The following SIK2 variants were observed in gnomAD, a reference collection of about 807,000 sequenced individuals.
The protein encoded by SIK2 is salt inducible kinase 2.
Under a neutral mutation model 103.2 loss-of-function variants are expected in SIK2, and 29 were observed. That is an observed-to-expected ratio of 0.28 (90% CI 0.21 to 0.38). The LOEUF is 0.38. Ranked by LOEUF, SIK2 falls within the 10% of genes least tolerant of loss-of-function variation. The probability of loss-of-function intolerance (pLI) is 1.00; values close to 1 mark genes in which losing one functional copy is unlikely to be tolerated. For synonymous variants in SIK2, 412 were observed against 446.1 expected (o/e 0.92, Z 0.96); for missense variants, 879 against 1,171.0 (o/e 0.75, Z 3.64).
intron 3 of SIK2, among the ~76,000 whole-genome samples, chr11:111,656,435 G>C (rs1453810815): frequency 6.6e-6 from 1 of 152,110 alleles, no homozygotes; most frequent in East Asian, 1.9e-4. Context: ...GAATATTTAT[G>C]TTTTGGTTAT....
chr11:111,721,365 C>CCA (rs139534824), intron 12 of SIK2, among the ~76,000 whole-genome samples: 2 of 152,076 alleles, frequency 1.3e-5, no homozygotes, highest in Non-Finnish European at 2.9e-5. Context: ...CCTTCTCCTG[C>CCA]CACACACACA....
intron 3 of SIK2, chr11:111,683,393 T>A (rs1389028995): frequency 6.6e-6 from 1 of 152,208 alleles, no homozygotes; most frequent in Non-Finnish European, 1.5e-5. Context: ...GCTATTACAT[T>A]CATAAGTTTG....
chr11:111,619,571 C>G (rs990732351), intron 2 of SIK2, among the ~76,000 whole-genome samples: 4 of 152,096 alleles, frequency 2.6e-5, no homozygotes, highest in African/African-American at 9.7e-5. Flanking sequence ...TGTCGAACTC[C>G]TGACCTCAAG....
At position 111,602,474 on chromosome 11, in the gene SIK2, G is replaced by C; in HGVS notation, c.-90G>C. The C allele has an allele frequency of 7.5e-7, 1 of 1,327,222 alleles. No individual in the cohort carries two copies. The highest frequency in any genetic ancestry group is 9.7e-7 in the Non-Finnish European group (1 of 1,025,792). The allele number at this position is 1,327,222 out of a possible 1,614,324, so 82.2% of individuals were successfully genotyped here. A position where few individuals can be genotyped will look rare whatever the true frequency, so the allele number is the denominator to read the frequency against. ...AAGGAGCGAAGGAGCGAAGGAGCAA[G>C]CGGAGCGGCCGTCGCCCAAGCCAAG... is the stretch of plus-strand genomic sequence containing the variant. On this transcript the variant is annotated 5_prime_UTR_variant, in exon 1 of 15. Transcript: ENST00000304987. The surrounding 1 kb of genome is among the most constrained non-coding windows in gnomAD (Gnocchi z 4.5).
chr11:111,604,017 C>T (rs541380989), intron 1 of SIK2, among the ~76,000 whole-genome samples: 29 of 152,340 alleles, frequency 1.9e-4, no homozygotes, highest in Middle Eastern at 3.4e-3. Flanking sequence ...TTTTGCCTTC[C>T]CCTGCTGGTC....
Position 111,729,025 on chromosome 11 carries a change from T to C in SIK2, c.*4896T>C, listed in dbSNP as rs1944089074. ...CTATCATCTCCCTTCTGACAGGTTC[T>C]ACAGTGTGGTCTGAAGCACCTGTAA... On this transcript the variant is annotated 3_prime_UTR_variant, in exon 15 of 15. Coordinates refer to ENST00000304987, the MANE Select transcript of SIK2 (RefSeq NM_015191.3). The C allele has an allele frequency of 6.6e-6, 1 of 152,282 alleles. No individual in the cohort carries two copies. The highest frequency in any genetic ancestry group is 6.5e-5 in the Admixed American group (1 of 15,288). The allele number at this position is 152,282 out of a possible 1,614,324, so 9.4% of individuals were successfully genotyped here. A position where few individuals can be genotyped will look rare whatever the true frequency, so the allele number is the denominator to read the frequency against.
intron 3 of SIK2, among the ~76,000 whole-genome samples, chr11:111,657,765 A>G (rs979376768): frequency 6.6e-6 from 1 of 152,194 alleles, no homozygotes; most frequent in African/African-American, 2.4e-5. Context: ...TAAGTGTCAG[A>G]TGAAAGTAAC....
intron 1 of SIK2, among the ~76,000 whole-genome samples, chr11:111,603,162 C>T (rs755134694): frequency 6.6e-6 from 1 of 152,106 alleles, no homozygotes; most frequent in Non-Finnish European, 1.5e-5. Flanking sequence ...TTGGGCTCCG[C>T]GGATGGGGGA....
In SIK2 at chr11:111,688,203, G is replaced by A. The variant is rs1942872609; in HGVS notation, c.478+41G>A. On this transcript the variant is annotated intron_variant, in intron 4 of 14. Coordinates refer to ENST00000304987, the MANE Select transcript of SIK2 (RefSeq NM_015191.3). This position sits in a 1 kb window ranked among gnomAD's most constrained non-coding sequence, Gnocchi z 4.2. ...CTGGCTCTAATAAGATCCGAAGTGA[G>A]CCACTGCACTCAGTGTGTGGAAACA... The A allele has an allele frequency of 6.2e-7, 1 of 1,606,442 alleles. No individual in the cohort carries two copies. Among genetic ancestry groups the A allele is most frequent in the African/African-American group, 1.3e-5 (1 of 74,764 alleles).
chr11:111,618,857 C>T (rs1052526504), intron 2 of SIK2, among the ~76,000 whole-genome samples: 4 of 152,290 alleles, frequency 2.6e-5, no homozygotes, highest in African/African-American at 9.6e-5. Flanking sequence ...CAACCCCTCC[C>T]CAAGTAGCTG....
chr11:111,641,348 G>A (rs1233874636), intron 3 of SIK2, among the ~76,000 whole-genome samples: 1 of 151,952 alleles, frequency 6.6e-6, no homozygotes, highest in South Asian at 2.1e-4. Flanking sequence ...TTACAAACTG[G>A]GCACATTACC....
intron 1 of SIK2, among the ~76,000 whole-genome samples, chr11:111,608,569 A>G (rs1318043441): frequency 6.6e-6 from 1 of 152,224 alleles, no homozygotes; most frequent in Non-Finnish European, 1.5e-5. Context: ...TCATGTATGC[A>G]TATAATCTGT....
At position 111,728,676 on chromosome 11, in the gene SIK2, C is replaced by T. The variant is rs1420925130; in HGVS notation, c.*4547C>T. ...GGGCGCGGTGGCTCACGCCTGTAAT[C>T]CCAACACTTTGGGAGGCCAAGGCAG... On this transcript the variant is annotated 3_prime_UTR_variant, in exon 15 of 15. Transcript: ENST00000304987. 6.6e-6 allele frequency: 1 copy of T among 151,974 alleles called. No individual in the cohort carries two copies. The highest frequency in any genetic ancestry group is 2.4e-5 in the African/African-American group (1 of 41,314). 9.4% of individuals were successfully genotyped at this position (151,974 alleles called of 1,614,324 possible). A position where few individuals can be genotyped will look rare whatever the true frequency, so the allele number is the denominator to read the frequency against.
chr11:111,683,886 A>T lies in SIK2; in HGVS notation c.317-4115A>T, dbSNP rs182713355. On this transcript the variant is annotated intron_variant, in intron 3 of 14. Transcript: ENST00000304987. ...GCCTAAACAAATTTTATTTGCAGCCACATGTTTCTGGCTCACTTACTTCTA... is the reference window on the plus strand; with the variant it reads ...GCCTAAACAAATTTTATTTGCAGCCTCATGTTTCTGGCTCACTTACTTCTA... Among the ~76,000 whole-genome samples the T allele has an allele frequency of 7.3e-4, 111 of 152,328 alleles. 1 individual carries two copies. The highest frequency in any genetic ancestry group is 1.3e-3 in the Non-Finnish European group (86 of 68,020).
intron 3 of SIK2, among the ~76,000 whole-genome samples, chr11:111,682,673 G>A (rs146703711): frequency 0.013 from 1,928 of 152,244 alleles, 36 homozygotes; most frequent in African/African-American, 0.044. Flanking sequence ...TTGATAACTC[G>A]AATTTAGGTG....
At chr11:111,703,163 G>A in intron 6 of SIK2, 40 bp from the exon 7 acceptor site, 2 of 1,585,472 alleles carry the variant, frequency 1.3e-6, no homozygotes, top group Non-Finnish European at 1.7e-6. Context: ...TGAAGTGCAA[G>A]GTGATTCTTG....
chr11:111,654,586 C>G (rs1942367508), intron 3 of SIK2, among the ~76,000 whole-genome samples: 1 of 152,238 alleles, frequency 6.6e-6, no homozygotes, highest in East Asian at 1.9e-4. Flanking sequence ...AAGGTAAGTT[C>G]TTTAATATTA....
chr11:111,695,654 T>C (rs934545732), intron 4 of SIK2, among the ~76,000 whole-genome samples: 1 of 152,236 alleles, frequency 6.6e-6, no homozygotes, highest in Non-Finnish European at 1.5e-5. Context: ...AAATGCAGAA[T>C]CTGAGGCCCA....
chr11:111,668,009 G>A (rs1450617810), intron 3 of SIK2, among the ~76,000 whole-genome samples: 1 of 152,084 alleles, frequency 6.6e-6, no homozygotes, highest in East Asian at 1.9e-4. Context: ...TTAAGTGCAA[G>A]TCCTACCCAG....
Sources: allele counts gnomAD v4.1 joint callset (sites outside exome capture counted in the v4.1 genomes callset), GRCh38; gene constraint gnomAD v4.1.1; non-coding constraint Gnocchi (gnomAD v3.1); transcripts MANE v1.5; gene names NCBI Gene and HGNC (gene_info 2026-07-23, HGNC 2026-07-21).